DPM1: variants seen among roughly 807,000 people sequenced by gnomAD.
DPM1 encodes dolichyl-phosphate mannosyltransferase subunit 1, catalytic, also known as dolichol-phosphate mannosyltransferase subunit 1.
Under a neutral mutation model 39.0 loss-of-function variants are expected in DPM1, and 27 were observed. The observed-to-expected ratio is 0.69, with a 90% CI of 0.51 to 0.95. The LOEUF is 0.95. DPM1 is among the 40% of genes least tolerant of loss of function. DPM1 has a pLI of 0.00. For synonymous variants in DPM1, 124 were observed against 109.0 expected (o/e 1.14, Z -0.86); for missense variants, 307 against 315.6 (o/e 0.97, Z 0.21).
chr20:50,944,780 C>A (rs1052095613), intron 5 of DPM1: 1 of 152,194 alleles, frequency 6.6e-6, no homozygotes, highest in Admixed American at 6.5e-5. Context: ...ATATTGCCTA[C>A]AAACAAATAT....
At position 50,941,374 on chromosome 20, in the gene DPM1, TTATATATATTC is replaced by T. The variant is rs1568763034; in HGVS notation, c.495-452_495-442del. ...ATATTCATATACATATATATTCATA[TTATATATATTC>T]ATATATATATTCATATTATATATAT... On this transcript the variant is annotated intron_variant, in intron 6 of 8. Coordinates refer to ENST00000371588, the MANE Select transcript of DPM1 (RefSeq NM_003859.3). 2.3e-4 allele frequency among the ~76,000 whole-genome samples: 33 copies of T among 142,814 alleles called. 1 individual carries two copies. The South Asian group carries it at 5.1e-3, about 22-fold the overall frequency. The allele number at this position is 142,814 out of a possible 152,430, so 93.7% of individuals were successfully genotyped here. A position where few individuals can be genotyped will look rare whatever the true frequency, so the allele number is the denominator to read the frequency against.
At chr20:50,957,906 A>G (rs1446821755) in intron 1 of DPM1, among the ~76,000 whole-genome samples, 1 of 152,196 alleles carries the variant, frequency 6.6e-6, no homozygotes. Flanking sequence ...CAGAAAGGTT[A>G]TCGTGCCCAG....
In DPM1 at chr20:50,939,238, G is replaced by T. The variant is rs769902345; in HGVS notation, c.563+1627C>A. On this transcript the variant is annotated intron_variant, in intron 7 of 8. Transcript: ENST00000371588. ...TCACAACTAGTTACCAGTTACCCTA[G>T]GTTTTTATTCAAAACCATCAAAACT... Among the ~76,000 whole-genome samples, 6 of 152,126 alleles carry T rather than the reference G, an allele frequency of 3.9e-5. No individual in the cohort carries two copies. In the South Asian group the frequency reaches 1.2e-3, roughly 32 times the overall value.
intron 2 of DPM1, among the ~76,000 whole-genome samples, chr20:50,954,262 C>G (rs1230114079): frequency 3.3e-5 from 5 of 152,026 alleles, no homozygotes; most frequent in Non-Finnish European, 5.9e-5. Flanking sequence ...ACCAATGGTT[C>G]TCTACTGGAG....
chr20:50,942,360 G>C (rs530861945), intron 5 of DPM1, among the ~76,000 whole-genome samples: 1 of 152,250 alleles, frequency 6.6e-6, no homozygotes, highest in South Asian at 2.1e-4. Context: ...ATAAAAATTA[G>C]CCTGGCGCGG....
At chr20:50,952,773 GAAT>G (rs1986645313) in intron 2 of DPM1, among the ~76,000 whole-genome samples, 1 of 152,132 alleles carries the variant, frequency 6.6e-6, no homozygotes, top group South Asian at 2.1e-4. Context: ...GATGTTTTAA[GAAT>G]AATAAACGTG....
At position 50,941,621 on chromosome 20, in the gene DPM1, T is replaced by C. The variant is rs566052687; in HGVS notation, c.494+410A>G. Among the ~76,000 whole-genome samples, 38 of 151,922 alleles carry C rather than the reference T, an allele frequency of 2.5e-4. No individual in the cohort carries two copies. In the East Asian group the frequency reaches 4.5e-3, roughly 18 times the overall value. ...TACTCGGGAGGCTGAGACAGGAGAA[T>C]TGCTTGAGCCCGGGAGGCAGAGGTT... On this transcript the variant is annotated intron_variant, in intron 6 of 8. Transcript: ENST00000371588.
chr20:50,948,737 G>A (rs1256700760), intron 2 of DPM1, 75 bp from the exon 3 acceptor site: 2 of 1,295,824 alleles, frequency 1.5e-6, no homozygotes, highest in Non-Finnish European at 2.2e-6. Flanking sequence ...TTATTCAAAA[G>A]TGCATACTCA....
intron 2 of DPM1, among the ~76,000 whole-genome samples, chr20:50,950,604 C>T (rs1196047777): frequency 6.6e-6 from 1 of 152,174 alleles, no homozygotes; most frequent in African/African-American, 2.4e-5. Flanking sequence ...TGCAGTGGCT[C>T]ACACCTGTAA....
At chr20:50,942,639 A>C (rs773118061) in intron 5 of DPM1, among the ~76,000 whole-genome samples, 2 of 152,214 alleles carry the variant, frequency 1.3e-5, no homozygotes, top group Non-Finnish European at 2.9e-5. Flanking sequence ...ACTGTACTCC[A>C]GCCTGGGTGA....
At chr20:50,956,540 AAAAAAG>A (rs1482413985) in intron 1 of DPM1, among the ~76,000 whole-genome samples, 1 of 151,990 alleles carries the variant, frequency 6.6e-6, no homozygotes, top group Non-Finnish European at 1.5e-5. Context: ...AGAAAAAAAA[AAAAAAG>A]AAAAAGAAAA....
Position 50,958,466 on chromosome 20 carries a change from G to T in DPM1, c.58C>A (p.Arg20Ser), listed in dbSNP as rs770339761. 6.2e-7 allele frequency: 1 copy of T among 1,613,844 alleles called. No individual in the cohort carries two copies. The highest frequency in any genetic ancestry group is 8.5e-7 in the Non-Finnish European group (1 of 1,179,976). Residue 20 changes from arginine (R) to serine (S), a missense_variant, in exon 1 of 9, where the codon CGC becomes AGC. Transcript: ENST00000371588. ...PRRSRRELEVRSPRQNKYSVL... is the reference protein window; with the variant it reads ...PRRSRRELEVSSPRQNKYSVL... ...GAATATTTGTTCTGTCGTGGACTGCGCACTTCCAGCTCCCGCCGAGACCTG... is the reference window on the plus strand; with the variant it reads ...GAATATTTGTTCTGTCGTGGACTGCTCACTTCCAGCTCCCGCCGAGACCTG...
chr20:50,948,757 A>C, intron 2 of DPM1, 95 bp from the exon 3 acceptor site: 1 of 1,127,432 alleles, frequency 8.9e-7, no homozygotes, highest in Non-Finnish European at 1.3e-6. Context: ...ACTTTAATAG[A>C]AATATAGTTG....
chr20:50,940,086 T>TTGTGTGTGTGTGTGTGTGTG (rs11469059), intron 7 of DPM1, among the ~76,000 whole-genome samples: 2 of 146,538 alleles, frequency 1.4e-5, no homozygotes, highest in African/African-American at 5.1e-5. Context: ...AGGTCCTAAT[T>TTGTGTGTGTGTGTGTGTGTG]TGTGTGTGTG....
intron 2 of DPM1, among the ~76,000 whole-genome samples, chr20:50,951,648 C>T (rs1986584476): frequency 6.6e-6 from 1 of 152,070 alleles, no homozygotes; most frequent in Non-Finnish European, 1.5e-5. Flanking sequence ...AATTAGCCAG[C>T]ATGGTGGTGC....
rs141551204 is a variant in DPM1, at chr20:50,946,683, T to C, written c.296-760A>G. ...GACTTGGCAGGCTAGGGTAACTTGT[T>C]AGGAGCAGGACTTGGGGATTCCTGC... is the stretch of plus-strand genomic sequence containing the variant. On this transcript the variant is annotated intron_variant, in intron 3 of 8. Transcript: ENST00000371588. Among the ~76,000 whole-genome samples, 67 of 152,354 alleles carry C rather than the reference T, an allele frequency of 4.4e-4. 1 individual carries two copies. The highest frequency in any genetic ancestry group is 1.4e-3 in the African/African-American group (59 of 41,578).
Position 50,958,345 on chromosome 20 carries a change from G to A in DPM1, c.161+18C>T, listed in dbSNP as rs112688266. ...CCAGCTCATCTCATTCTTCGGGGAGGGAGACCTGGTGCGCTACCTCTCGGA... is the reference window on the plus strand; with the variant it reads ...CCAGCTCATCTCATTCTTCGGGGAGAGAGACCTGGTGCGCTACCTCTCGGA... On this transcript the variant is annotated intron_variant, in intron 1 of 8. Coordinates refer to ENST00000371588, the MANE Select transcript of DPM1 (RefSeq NM_003859.3). 36 of 1,612,070 alleles carry A rather than the reference G, an allele frequency of 2.2e-5. No homozygotes were observed. The highest frequency in any genetic ancestry group is 1.7e-4 in the African/African-American group (13 of 75,042).
intron 5 of DPM1, among the ~76,000 whole-genome samples, chr20:50,943,441 C>T (rs767264481): frequency 7.4e-6 from 1 of 135,022 alleles, no homozygotes; most frequent in Non-Finnish European, 1.6e-5. Context: ...CTCACTGCAA[C>T]CTCCACCTCC....
intron 3 of DPM1, among the ~76,000 whole-genome samples, chr20:50,947,754 G>C (rs1308160888): frequency 6.6e-6 from 1 of 151,950 alleles, no homozygotes; most frequent in Non-Finnish European, 1.5e-5. Context: ...TCAGCCTCCC[G>C]AGTAGCTGGG....
Sources: allele counts gnomAD v4.1 joint callset (sites outside exome capture counted in the v4.1 genomes callset), GRCh38; gene constraint gnomAD v4.1.1; transcripts MANE v1.5; gene names NCBI Gene and HGNC (gene_info 2026-07-23, HGNC 2026-07-21).